The following DCLK1 variants were observed in gnomAD, a reference collection of about 807,000 sequenced individuals.
DCLK1 encodes doublecortin like kinase 1.
A neutral mutation model predicts 86.2 loss-of-function variants in DCLK1; 16 were observed. That is an observed-to-expected ratio of 0.19 (90% CI 0.13 to 0.28). DCLK1 has a LOEUF of 0.28. Among genes scored for constraint, DCLK1 ranks in the 10% least tolerant of loss-of-function variants. The probability of loss-of-function intolerance (pLI) is 1.00; values close to 1 mark genes in which losing one functional copy is unlikely to be tolerated. For synonymous variants in DCLK1, 369 were observed against 370.5 expected (o/e 1.00, Z 0.05); for missense variants, 590 against 940.2 (o/e 0.63, Z 4.87).
intron 5 of DCLK1, among the ~76,000 whole-genome samples, chr13:35,863,719 T>C (rs948191847): frequency 2.8e-4 from 42 of 152,214 alleles, no homozygotes; most frequent in African/African-American, 8.4e-4. Context: ...AGGAAAAGAC[T>C]GAACTCAAAA....
chr13:35,889,267 C>T (rs1439648873), intron 4 of DCLK1, among the ~76,000 whole-genome samples: 1 of 152,142 alleles, frequency 6.6e-6, no homozygotes, highest in Non-Finnish European at 1.5e-5. Context: ...TGCATAATTT[C>T]CCTCTTTTTC....
chr13:35,860,881 T>C (rs1871343984), intron 5 of DCLK1, among the ~76,000 whole-genome samples: 1 of 152,144 alleles, frequency 6.6e-6, no homozygotes, highest in Admixed American at 6.5e-5. Flanking sequence ...GAGTGGGCTT[T>C]AGACAGCTGA....
chr13:35,774,978 T>C (rs2086398539), intron 16 of DCLK1, among the ~76,000 whole-genome samples: 1 of 152,134 alleles, frequency 6.6e-6, no homozygotes, highest in Non-Finnish European at 1.5e-5. Context: ...TTTTGCTAGC[T>C]GCACATTTAT....
chr13:35,840,690 A>T (rs1012554152), intron 6 of DCLK1, among the ~76,000 whole-genome samples: 2 of 152,178 alleles, frequency 1.3e-5, no homozygotes, highest in Admixed American at 6.5e-5. Flanking sequence ...CATTTGTCAT[A>T]TGTCAGGCTA....
At chr13:35,781,013 G>C (rs1259179659) in intron 16 of DCLK1, among the ~76,000 whole-genome samples, 1 of 152,226 alleles carries the variant, frequency 6.6e-6, no homozygotes, top group African/African-American at 2.4e-5. Flanking sequence ...CATGTGCTCA[G>C]ATAGTTTAAA....
chr13:35,878,881 G>A (rs1338425936), intron 4 of DCLK1, among the ~76,000 whole-genome samples: 4 of 151,948 alleles, frequency 2.6e-5, no homozygotes, highest in African/African-American at 9.7e-5. Context: ...TGCCTCCCAG[G>A]TTCAGGTGAT....
chr13:35,823,444 A>C (rs1344054507), intron 10 of DCLK1, among the ~76,000 whole-genome samples: 1 of 151,860 alleles, frequency 6.6e-6, no homozygotes, highest in African/African-American at 2.4e-5. Context: ...CTTTTTCAAT[A>C]TTGTGCTCCT....
chr13:35,945,162 A>T (rs1457648332), intron 4 of DCLK1, among the ~76,000 whole-genome samples: 1 of 152,166 alleles, frequency 6.6e-6, no homozygotes, highest in Non-Finnish European at 1.5e-5. Context: ...GGCCTCCCAA[A>T]GTCCTGGGTT....
chr13:35,898,865 CCAA>C (rs1392615916), intron 4 of DCLK1, among the ~76,000 whole-genome samples: 22 of 152,126 alleles, frequency 1.4e-4, no homozygotes, highest in Admixed American at 1.3e-3. Flanking sequence ...CCTCAGCCTC[CCAA>C]GTAACTGGAA....
chr13:35,969,871 G>A (rs1228075439), intron 3 of DCLK1, among the ~76,000 whole-genome samples: 1 of 152,090 alleles, frequency 6.6e-6, no homozygotes. Flanking sequence ...CTCATGAATG[G>A]GATTAGTGAC....
intron 15 of DCLK1, among the ~76,000 whole-genome samples, chr13:35,801,931 T>C (rs554498420): frequency 2.0e-5 from 3 of 152,178 alleles, no homozygotes; most frequent in Non-Finnish European, 4.4e-5. Flanking sequence ...AGTTATCTTC[T>C]AGCAAACATG....
intron 3 of DCLK1, among the ~76,000 whole-genome samples, chr13:36,092,488 T>C (rs923936738): frequency 5.1e-4 from 71 of 139,656 alleles, no homozygotes; most frequent in African/African-American, 1.5e-3. Context: ...GTTTTCTTTT[T>C]TTTTTTTTTT....
At chr13:36,128,524 C>G (rs1886264298) in intron 1 of DCLK1, among the ~76,000 whole-genome samples, 1 of 152,164 alleles carries the variant, frequency 6.6e-6, no homozygotes, top group African/African-American at 2.4e-5. Context: ...CAGACCTCGT[C>G]TGCACACAGA....
intron 10 of DCLK1, among the ~76,000 whole-genome samples, chr13:35,824,310 G>A (rs2087469240): frequency 6.6e-6 from 1 of 152,088 alleles, no homozygotes; most frequent in African/African-American, 2.4e-5. Flanking sequence ...CAGAGTAGCG[G>A]GAACCACAGG....
intron 3 of DCLK1, among the ~76,000 whole-genome samples, chr13:36,071,572 G>A (rs553770659): frequency 1.3e-5 from 2 of 152,274 alleles, no homozygotes; most frequent in African/African-American, 4.8e-5. Flanking sequence ...TATCATGAAA[G>A]CTAAACTTTA....
chr13:36,049,211 G>C lies in DCLK1; in HGVS notation c.723+62658C>G, dbSNP rs200627034. On this transcript the variant is annotated intron_variant, in intron 3 of 16. Coordinates refer to ENST00000360631, the MANE Select transcript of DCLK1 (RefSeq NM_001330071.2). Reference sequence around the variant, plus strand: ...TATGAGATGCAGGATTGAAGAGCCTGTGTACTATTTTAGATTGTTTAGTAC... The same window carrying C: ...TATGAGATGCAGGATTGAAGAGCCTCTGTACTATTTTAGATTGTTTAGTAC... Among the ~76,000 whole-genome samples, 11 of 152,274 alleles carry C rather than the reference G, an allele frequency of 7.2e-5. No homozygotes were observed. In the East Asian group the frequency reaches 2.1e-3, roughly 29 times the overall value.
chr13:35,803,408 TG>T (rs1258412901), intron 15 of DCLK1, among the ~76,000 whole-genome samples: 1 of 152,182 alleles, frequency 6.6e-6, no homozygotes, highest in South Asian at 2.1e-4. Context: ...CCTAGGGCCA[TG>T]GGGATTACTA....
At chr13:36,045,332 G>GTATATATATA (rs1174545505) in intron 3 of DCLK1, among the ~76,000 whole-genome samples, 11 of 55,774 alleles carry the variant, frequency 2.0e-4, no homozygotes, top group African/African-American at 3.2e-4. Flanking sequence ...GTGTGTGTGT[G>GTATATATATA]TATATATATA....
intron 11 of DCLK1, among the ~76,000 whole-genome samples, chr13:35,814,599 A>G (rs572931004): frequency 2.0e-5 from 3 of 152,294 alleles, no homozygotes; most frequent in East Asian, 3.9e-4. Context: ...AATGTGACCC[A>G]CACGTGAAGT....
Sources: allele counts gnomAD v4.1 joint callset (sites outside exome capture counted in the v4.1 genomes callset), GRCh38; gene constraint gnomAD v4.1.1; transcripts MANE v1.5; gene names NCBI Gene and HGNC (gene_info 2026-07-23, HGNC 2026-07-21).